TNPO3: variants seen among roughly 807,000 people sequenced by gnomAD.
TNPO3 encodes transportin-3.
Under a neutral mutation model 122.8 loss-of-function variants are expected in TNPO3, and 65 were observed. That is an observed-to-expected ratio of 0.53 (90% CI 0.43 to 0.65). The LOEUF is 0.65. Ranked by LOEUF, TNPO3 falls within the 30% of genes least tolerant of loss-of-function variation. The pLI is 0.00. For synonymous variants in TNPO3, 372 were observed against 411.2 expected (o/e 0.90, Z 1.15); for missense variants, 850 against 1,136.7 (o/e 0.75, Z 3.63).
rs763699021 is a variant in TNPO3, at chr7:128,992,093, A to G, written c.1267-3T>C. 1 of 1,545,530 alleles carries G rather than the reference A, an allele frequency of 6.5e-7. No homozygotes were observed. Among genetic ancestry groups the G allele is most frequent in the Non-Finnish European group, 8.8e-7 (1 of 1,132,042 alleles). On this transcript the variant is annotated splice_region_variant and splice_polypyrimidine_tract_variant and intron_variant, in intron 9 of 22. Transcript: ENST00000265388. ...CCTTCTTTCAGAGTAGAATATAACT[A>G]GAGAAGAAGAGGTGGATTATGGATC...
intron 11 of TNPO3, among the ~76,000 whole-genome samples, chr7:128,989,124 C>T (rs760282137): frequency 1.3e-5 from 2 of 151,850 alleles, no homozygotes; most frequent in Non-Finnish European, 2.9e-5. Flanking sequence ...AGAAATAGTA[C>T]GTTGAACTTA....
rs1473082289 is a variant in TNPO3 at position 129,018,728 on chromosome 7, C to CT, written c.121-572dup. 2.0e-5 allele frequency among the ~76,000 whole-genome samples: 3 copies of CT among 152,074 alleles called. No individual in the cohort carries two copies. The East Asian group carries it at 5.8e-4, about 29-fold the overall frequency. ...TTCACATCCTTCAATTATTTTCTTT[C>CT]TTTTTTTGGAGACAGAGTCTCACTC... On this transcript the variant is annotated intron_variant, in intron 1 of 22. Coordinates refer to ENST00000265388, the MANE Select transcript of TNPO3 (RefSeq NM_012470.4).
chr7:128,986,017 C>A (rs1270941649), intron 12 of TNPO3, among the ~76,000 whole-genome samples: 1 of 152,228 alleles, frequency 6.6e-6, no homozygotes, highest in African/African-American at 2.4e-5. Context: ...CATTACCTCA[C>A]AGGGCACCCC....
chr7:129,051,528 G>C (rs1003759502), intron 1 of TNPO3, among the ~76,000 whole-genome samples: 16 of 151,806 alleles, frequency 1.1e-4, no homozygotes, highest in African/African-American at 3.6e-4. Flanking sequence ...GTAGAAATGA[G>C]GTCTCGCTAT....
At chr7:128,979,613 C>T (rs1290275106) in intron 15 of TNPO3, among the ~76,000 whole-genome samples, 1 of 152,120 alleles carries the variant, frequency 6.6e-6, no homozygotes. Context: ...CTCACATAAC[C>T]TTCAGTGAAA....
chr7:128,999,016 C>G (rs973664050), intron 7 of TNPO3, among the ~76,000 whole-genome samples: 5 of 151,992 alleles, frequency 3.3e-5, no homozygotes, highest in Admixed American at 3.3e-4. Context: ...ATCACCCCAG[C>G]TAATTTTTGT....
intron 15 of TNPO3, 93 bp from the exon 16 acceptor site, chr7:128,979,216 A>G (rs546261151): frequency 1.3e-6 from 2 of 1,489,348 alleles, no homozygotes; most frequent in Admixed American, 3.9e-5. Context: ...TTAGCTTTTA[A>G]ATAACTGGGA....
intron 1 of TNPO3, among the ~76,000 whole-genome samples, chr7:129,018,748 T>TC (rs1286515881): frequency 2.0e-5 from 3 of 152,198 alleles, no homozygotes; most frequent in Admixed American, 2.0e-4. Flanking sequence ...AGACAGAGTC[T>TC]CACTCTGTCA....
At chr7:129,051,881 C>A (rs10278946) in intron 1 of TNPO3, among the ~76,000 whole-genome samples, 1 of 152,086 alleles carries the variant, frequency 6.6e-6, no homozygotes, top group South Asian at 2.1e-4. Flanking sequence ...TGACCTCAAG[C>A]GATCCGCCCG....
chr7:129,039,519 C>G (rs959887003), intron 1 of TNPO3, among the ~76,000 whole-genome samples: 1 of 151,976 alleles, frequency 6.6e-6, no homozygotes, highest in Non-Finnish European at 1.5e-5. Context: ...GAAATCACAC[C>G]CCCACACTCC....
intron 5 of TNPO3, among the ~76,000 whole-genome samples, chr7:129,003,039 C>CAAAAAAAAAAAAAAAA (rs56226072): frequency 9.4e-5 from 5 of 53,270 alleles, no homozygotes; most frequent in East Asian, 9.3e-4. Flanking sequence ...GACTCCCTCT[C>CAAAAAAAAAAAAAAAA]AAAAAAAAAA....
chr7:129,040,146 T>G (rs547854159), intron 1 of TNPO3, among the ~76,000 whole-genome samples: 2 of 151,816 alleles, frequency 1.3e-5, no homozygotes, highest in East Asian at 3.9e-4. Context: ...TCCCAGCTAC[T>G]CAGGAGGCTG....
chr7:129,001,868 C>T (rs773197515), intron 5 of TNPO3, among the ~76,000 whole-genome samples: 1 of 152,132 alleles, frequency 6.6e-6, no homozygotes, highest in African/African-American at 2.4e-5. Context: ...TGTTCCCTAC[C>T]CTATTCTAGT....
Position 128,979,078 on chromosome 7 carries a change from T to G in TNPO3, c.1966A>C (p.Asn656His), listed in dbSNP as rs1352044976. Residue 656 changes from asparagine (N) to histidine (H), a missense_variant, in exon 16 of 23, where the codon AAT becomes CAT. Transcript: ENST00000265388. ...CTGCAACAACGCTCTACAATCCGATTATCAGCTCGGTGCTTATTTAGAGTC... is the reference window on the plus strand; with the variant it reads ...CTGCAACAACGCTCTACAATCCGATGATCAGCTCGGTGCTTATTTAGAGTC... ...SETLNKHRAD[N>H]RIVERCCRCL... The G allele has an allele frequency of 6.2e-7, 1 of 1,614,080 alleles. No homozygotes were observed. Among genetic ancestry groups the G allele is most frequent in the Admixed American group, 1.7e-5 (1 of 60,012 alleles).
At chr7:129,009,511 C>G (rs926624364) in intron 4 of TNPO3, among the ~76,000 whole-genome samples, 1 of 152,072 alleles carries the variant, frequency 6.6e-6, no homozygotes, top group Non-Finnish European at 1.5e-5. Context: ...TTTTAAGCAC[C>G]ACAGGAAATA....
intron 7 of TNPO3, 73 bp from the exon 8 acceptor site, chr7:128,997,608 G>C: frequency 8.1e-7 from 1 of 1,237,222 alleles, no homozygotes; most frequent in Non-Finnish European, 1.1e-6. Context: ...TTATCACCAC[G>C]ACCATATAGG....
At chr7:128,968,951 C>G (rs988597317) in intron 20 of TNPO3, among the ~76,000 whole-genome samples, 5 of 151,356 alleles carry the variant, frequency 3.3e-5, no homozygotes, top group Non-Finnish European at 5.9e-5. Flanking sequence ...GTCTCAAGCT[C>G]CTGGCGTCAA....
At chr7:129,020,056 T>C (rs1804291062) in intron 1 of TNPO3, among the ~76,000 whole-genome samples, 1 of 152,042 alleles carries the variant, frequency 6.6e-6, no homozygotes, top group South Asian at 2.1e-4. Context: ...TGATCCCAGC[T>C]ACTTGGGATG....
At position 129,001,150 on chromosome 7, in the gene TNPO3, T is replaced by C. The variant is rs1563099109; in HGVS notation, c.781A>G (p.Thr261Ala). The change falls in exon 6 of 23, where the codon ACT becomes GCT. Residue 261 changes from threonine to alanine, a missense_variant. Thr to Ala is a moderately conservative substitution (Grantham distance 58). Coordinates refer to ENST00000265388, the MANE Select transcript of TNPO3 (RefSeq NM_012470.4). ...SALYAIENVE[T>A]NLPLAMQLFQ... ...AGTTGCATGGCTAATGGCAAGTTAG[T>C]CTCCACATTCTCAATGGCATAGAGA... 1 of 1,614,094 alleles carries C rather than the reference T, an allele frequency of 6.2e-7. No individual in the cohort carries two copies.
Sources: gnomAD v4.1 joint callset for allele counts (sites outside exome capture counted in the v4.1 genomes callset) on GRCh38, gnomAD v4.1.1 for gene constraint, MANE v1.5 for transcripts, NCBI Gene and HGNC (gene_info 2026-07-23, HGNC 2026-07-21) for gene names.